Variants in EXOC6B observed in about 807,000 individuals in gnomAD.
The protein encoded by EXOC6B is SEC15 homolog B.
In EXOC6B, 54 loss-of-function variants were observed where a neutral mutation model predicts 113.5. That is an observed-to-expected ratio of 0.48 (90% CI 0.38 to 0.60). The LOEUF (loss-of-function observed/expected upper bound fraction) is 0.60, where lower values mean the gene tolerates loss of function less well. EXOC6B is among the 20% of genes least tolerant of loss of function. EXOC6B has a pLI of 0.00. For missense variants in EXOC6B, 797 were observed against 977.5 expected (o/e 0.82, Z 2.46); for synonymous variants, 357 against 339.0 (o/e 1.05, Z -0.58).
chr2:72,698,037 A>G (rs984487517), intron 6 of EXOC6B, among the ~76,000 whole-genome samples: 9 of 152,214 alleles, frequency 5.9e-5, no homozygotes, highest in Non-Finnish European at 1.2e-4. Context: ...AGAGAAGAAA[A>G]GCATGTGGTG....
intron 20 of EXOC6B, among the ~76,000 whole-genome samples, chr2:72,278,952 T>C (rs1322667861): frequency 6.6e-6 from 1 of 152,122 alleles, no homozygotes; most frequent in Non-Finnish European, 1.5e-5. Flanking sequence ...AGCTGTGGGA[T>C]GAGTGTGGAA....
rs1471782352 is a variant in EXOC6B at position 72,521,508 on chromosome 2, A to AAAAC, written c.916-6386_916-6383dup. 6.6e-5 allele frequency among the ~76,000 whole-genome samples: 10 copies of AAAAC among 152,322 alleles called. No individual in the cohort carries two copies. The South Asian group carries it at 8.3e-4, about 13-fold the overall frequency. ...TACAATTTGCTCTGTTTATAACAGC[A>AAAAC]AAACACATCACCTAACAGCTAGATT... On this transcript the variant is annotated intron_variant, in intron 8 of 21. Transcript: ENST00000272427.
At chr2:72,498,606 G>GT (rs74263957) in intron 12 of EXOC6B, 55 bp from the exon 13 acceptor site, 150,398 of 816,612 alleles carry the variant, frequency 0.18, 54 homozygotes, top group South Asian at 0.23. Context: ...TTTTTTTTCG[G>GT]TTTTTTTTTT....
chr2:72,406,870 A>AG (rs1693807636), intron 18 of EXOC6B, among the ~76,000 whole-genome samples: 1 of 152,236 alleles, frequency 6.6e-6, no homozygotes, highest in African/African-American at 2.4e-5. Context: ...GAACTGAAGG[A>AG]ATCAGAGACA....
intron 18 of EXOC6B, among the ~76,000 whole-genome samples, chr2:72,392,377 T>C (rs1297422324): frequency 6.6e-6 from 1 of 152,242 alleles, no homozygotes; most frequent in African/African-American, 2.4e-5. Context: ...GCAGTCCAGC[T>C]TGGGCAGCAG....
At chr2:72,732,053 G>A (rs904544657) in intron 3 of EXOC6B, among the ~76,000 whole-genome samples, 2 of 152,018 alleles carry the variant, frequency 1.3e-5, no homozygotes, top group African/African-American at 2.4e-5. Flanking sequence ...TGATTTTGTC[G>A]GCCATGAGGA....
chr2:72,364,187 G>T (rs1558593831), intron 19 of EXOC6B, among the ~76,000 whole-genome samples: 1 of 151,832 alleles, frequency 6.6e-6, no homozygotes, highest in African/African-American at 2.4e-5. Flanking sequence ...ATTTCTTTAA[G>T]ATTTTTTTAT....
chr2:72,638,935 G>T (rs1291994653), intron 6 of EXOC6B, among the ~76,000 whole-genome samples: 1 of 152,134 alleles, frequency 6.6e-6, no homozygotes, highest in East Asian at 1.9e-4. Context: ...TTCCAGCCTG[G>T]CCACGCCTCC....
chr2:72,289,478 C>A (rs1283198286), intron 20 of EXOC6B, among the ~76,000 whole-genome samples: 1 of 152,094 alleles, frequency 6.6e-6, no homozygotes, highest in Non-Finnish European at 1.5e-5. Flanking sequence ...TACTCATGAT[C>A]CAGTCACTCG....
chr2:72,401,667 G>GTATA (rs1244443202), intron 18 of EXOC6B, among the ~76,000 whole-genome samples: 2 of 24,128 alleles, frequency 8.3e-5, no homozygotes, highest in African/African-American at 3.1e-4. Flanking sequence ...ATATATATAT[G>GTATA]TATATATATA....
intron 19 of EXOC6B, among the ~76,000 whole-genome samples, chr2:72,356,975 T>C (rs570318300): frequency 6.6e-6 from 1 of 152,270 alleles, no homozygotes; most frequent in African/African-American, 2.4e-5. Flanking sequence ...ATATAGACCA[T>C]GAATACACTG....
rs867075842 is a variant in EXOC6B, at chr2:72,578,489, G to A, written c.670-2821C>T. Among the ~76,000 whole-genome samples the A allele has an allele frequency of 4.6e-5, 7 of 151,978 alleles. No homozygotes were observed. The South Asian group carries it at 6.2e-4, about 14-fold the overall frequency. On this transcript the variant is annotated intron_variant, in intron 6 of 21. Coordinates refer to ENST00000272427, the MANE Select transcript of EXOC6B (RefSeq NM_015189.3). ...TTTCTTTACCTGATTACCTTTCCTT[G>A]CCTCAATCTAACCCTTCCTACAAAA...
At chr2:72,473,989 T>C (rs1032043615) in intron 17 of EXOC6B, among the ~76,000 whole-genome samples, 3 of 152,120 alleles carry the variant, frequency 2.0e-5, no homozygotes, top group Non-Finnish European at 4.4e-5. Context: ...TGAGAAAGAT[T>C]GTATTTCTCC....
Position 72,485,656 on chromosome 2 carries a change from G to T in EXOC6B, c.1666-4906C>A, listed in dbSNP as rs1410362051. ...AAGATAAAGTACAAAGTTTATATTT[G>T]ACTAGACTTAAGTACAAAACATTTT... On this transcript the variant is annotated intron_variant, in intron 16 of 21. Transcript: ENST00000272427. Among the ~76,000 whole-genome samples the T allele has an allele frequency of 3.9e-5, 6 of 152,150 alleles. No homozygotes were observed. In the East Asian group the frequency reaches 1.2e-3, roughly 29 times the overall value.
intron 8 of EXOC6B, among the ~76,000 whole-genome samples, chr2:72,542,107 A>G (rs1290946418): frequency 6.6e-6 from 1 of 152,252 alleles, no homozygotes; most frequent in Non-Finnish European, 1.5e-5. Flanking sequence ...CAAAATAACT[A>G]CATCTTCTTA....
Position 72,718,358 on chromosome 2 carries a change from G to C in EXOC6B, c.465-51C>G. ...GCTCACTCAGTTTTCTTTAGGGTTA[G>C]GCAAAATGTCTAGCCTGAATTGGTT... On this transcript the variant is annotated intron_variant, in intron 5 of 21. Transcript: ENST00000272427. The C allele has an allele frequency of 2.0e-6, 3 of 1,516,208 alleles. No individual in the cohort carries two copies. In the South Asian group the frequency reaches 3.6e-5, roughly 18 times the overall value. 93.9% of individuals were successfully genotyped at this position (1,516,208 alleles called of 1,614,324 possible).
chr2:72,618,567 T>C (rs562426819), intron 6 of EXOC6B, among the ~76,000 whole-genome samples: 4 of 152,296 alleles, frequency 2.6e-5, no homozygotes, highest in South Asian at 4.1e-4. Context: ...ATTCTCCCTA[T>C]TGTAATAGCC....
Position 72,483,527 on chromosome 2 carries a change from A to C in EXOC6B, c.1666-2777T>G, listed in dbSNP as rs772750267. ...AGTAATTTCCCATGACTTTTTAAAG[A>C]TCTGTCAACACAAAAGATCACTGTG... On this transcript the variant is annotated intron_variant, in intron 16 of 21. Coordinates refer to ENST00000272427, the MANE Select transcript of EXOC6B (RefSeq NM_015189.3). 3.3e-5 allele frequency among the ~76,000 whole-genome samples: 5 copies of C among 152,228 alleles called. No homozygotes were observed. In the East Asian group the frequency reaches 7.7e-4, roughly 23 times the overall value.
intron 18 of EXOC6B, among the ~76,000 whole-genome samples, chr2:72,426,353 G>T (rs1695195684): frequency 6.6e-6 from 1 of 152,100 alleles, no homozygotes; most frequent in Non-Finnish European, 1.5e-5. Flanking sequence ...CCTTGAGAGT[G>T]TTGAAAATTT....
Sources: gnomAD v4.1 joint callset for allele counts (sites outside exome capture counted in the v4.1 genomes callset) on GRCh38, gnomAD v4.1.1 for gene constraint, MANE v1.5 for transcripts, NCBI Gene and HGNC (gene_info 2026-07-23, HGNC 2026-07-21) for gene names.